The following WDR49 variants were observed in gnomAD, a reference collection of about 807,000 sequenced individuals.
The protein encoded by WDR49 is WD repeat domain 49.
WDR49 carries 107 observed loss-of-function variants against 119.5 expected under a neutral mutation model. The observed-to-expected ratio is 0.90, with a 90% confidence interval of 0.77 to 1.05. The LOEUF is 1.05. Among genes scored for constraint, WDR49 ranks in the 50% least tolerant of loss-of-function variants. WDR49 has a pLI of 0.00. For missense variants in WDR49, 1,240 were observed against 1,220.5 expected, an observed-to-expected ratio of 1.02 and a Z score of -0.24; for synonymous variants, 425 against 418.8, an observed-to-expected ratio of 1.01 and a Z score of -0.18.
chr3:167,502,754 T>C (rs1751622931), intron 17 of WDR49, among the ~76,000 whole-genome samples: 1 of 152,152 alleles, frequency 6.6e-6, no homozygotes, highest in African/African-American at 2.4e-5. Context: ...CTCAAGATGT[T>C]CCCTGGCTGC....
chr3:167,550,778 T>TTGA (rs772794375), intron 10 of WDR49, among the ~76,000 whole-genome samples: 268 of 144,032 alleles, frequency 1.9e-3, no homozygotes, highest in African/African-American at 6.4e-3. Flanking sequence ...TTTTTTTTTT[T>TTGA]GAGAGAGAGA....
At chr3:167,592,307 T>C (rs1715156229) in intron 7 of WDR49, among the ~76,000 whole-genome samples, 1 of 152,194 alleles carries the variant, frequency 6.6e-6, no homozygotes, top group Non-Finnish European at 1.5e-5. Flanking sequence ...GATTAGTTCA[T>C]CATTTAATCT....
rs770103817 is a variant in WDR49 at position 167,560,145 on chromosome 3, G to A, written c.1593C>T (p.His531=). The A allele has an allele frequency of 2.1e-5, 34 of 1,614,004 alleles. No individual in the cohort carries two copies. Among genetic ancestry groups the A allele is most frequent in the Admixed American group, 1.0e-4 (6 of 59,986 alleles). ...CCATAGTGCTGATTTCTGCGTTGCC[G>A]TGGCAACCAGTAAACTGTTTGATTT... ...GQKIKQFTGC[H]GNAEISTMAL... Residue 531 remains histidine (H), a synonymous_variant, in exon 9 of 19, where the codon CAC becomes CAT. Transcript: ENST00000682715.
intron 7 of WDR49, among the ~76,000 whole-genome samples, chr3:167,595,602 A>G (rs1715382348): frequency 6.6e-6 from 1 of 152,222 alleles, no homozygotes; most frequent in South Asian, 2.1e-4. Context: ...AAACCTGAGA[A>G]AAACAAGCAA....
intron 10 of WDR49, among the ~76,000 whole-genome samples, chr3:167,543,777 G>A (rs2108255626): frequency 6.6e-6 from 1 of 152,062 alleles, no homozygotes; most frequent in Non-Finnish European, 1.5e-5. Flanking sequence ...CATAGTACTG[G>A]AAGTCCTACC....
chr3:167,536,847 T>A (rs368302737), intron 11 of WDR49, 23 bp downstream of exon 11: 5 of 1,461,342 alleles, frequency 3.4e-6, no homozygotes, highest in Non-Finnish European at 2.7e-6. Flanking sequence ...CACCAATGAT[T>A]GTCAAGTGAA....
At chr3:167,571,212 GTC>G (rs1560291481) in intron 8 of WDR49, among the ~76,000 whole-genome samples, 1 of 151,982 alleles carries the variant, frequency 6.6e-6, no homozygotes, top group African/African-American at 2.4e-5. Flanking sequence ...AGTGAAGAGG[GTC>G]TAGTATTCAA....
intron 16 of WDR49, among the ~76,000 whole-genome samples, chr3:167,509,427 C>T (rs532866840): frequency 8.5e-5 from 13 of 152,286 alleles, no homozygotes; most frequent in African/African-American, 2.9e-4. Flanking sequence ...TTGAATACCC[C>T]TTTAAAATTT....
At chr3:167,568,701 C>T (rs1262258929) in intron 8 of WDR49, among the ~76,000 whole-genome samples, 1 of 152,120 alleles carries the variant, frequency 6.6e-6, no homozygotes, top group Non-Finnish European at 1.5e-5. Context: ...CCTAGTGGCA[C>T]TTCTTATGAG....
intron 18 of WDR49, among the ~76,000 whole-genome samples, chr3:167,491,813 G>C (rs1025300883): frequency 2.0e-5 from 3 of 152,072 alleles, no homozygotes; most frequent in African/African-American, 7.2e-5. Context: ...GAACCAACTG[G>C]GAGCAACTTG....
At chr3:167,516,379 T>C (rs1396737246) in intron 16 of WDR49, among the ~76,000 whole-genome samples, 1 of 151,966 alleles carries the variant, frequency 6.6e-6, no homozygotes, top group African/African-American at 2.4e-5. Flanking sequence ...AATAGTTTGC[T>C]GAGAATGATG....
At chr3:167,654,768 G>A (rs185191651), upstream of WDR49, among the ~76,000 whole-genome samples, 39 of 152,038 alleles carry the variant, frequency 2.6e-4, no homozygotes, top group African/African-American at 8.2e-4. Context: ...GCATGGTGGC[G>A]CACACCTGTG....
At chr3:167,574,447 ATGC>A (rs1194741040) in intron 8 of WDR49, among the ~76,000 whole-genome samples, 1 of 152,222 alleles carries the variant, frequency 6.6e-6, no homozygotes, top group African/African-American at 2.4e-5. Context: ...CTAATAGGAA[ATGC>A]TGATGTATGT....
intron 10 of WDR49, among the ~76,000 whole-genome samples, chr3:167,553,602 G>T (rs997979773): frequency 1.3e-5 from 2 of 152,050 alleles, no homozygotes; most frequent in Non-Finnish European, 2.9e-5. Flanking sequence ...CACCACACAT[G>T]GTAGAGAGCT....
intron 18 of WDR49, among the ~76,000 whole-genome samples, chr3:167,496,360 C>T (rs1751353016): frequency 6.6e-6 from 1 of 152,046 alleles, no homozygotes; most frequent in African/African-American, 2.4e-5. Context: ...CCTTCTAGAA[C>T]CCAGCCAGTG....
intron 10 of WDR49, among the ~76,000 whole-genome samples, chr3:167,553,879 C>T (rs928235056): frequency 2.0e-5 from 3 of 152,084 alleles, no homozygotes; most frequent in Non-Finnish European, 2.9e-5. Context: ...AAAAACTCTT[C>T]CCTGTGATTG....
At position 167,529,247 on chromosome 3, in the gene WDR49, G is replaced by GTA; in HGVS notation, c.2219-10_2219-9dup. ...ATACCAGGTTAGCTCCTCCTAACAT[G>GTA]TAAGGGAAAAATCTAACTAGAAAAC... On this transcript the variant is annotated splice_polypyrimidine_tract_variant and intron_variant, in intron 13 of 18. Coordinates refer to ENST00000682715, the MANE Select transcript of WDR49 (RefSeq NM_001366157.1). 2 of 1,559,174 alleles carry GTA rather than the reference G, an allele frequency of 1.3e-6. No individual in the cohort carries two copies. The highest frequency in any genetic ancestry group is 1.7e-6 in the Non-Finnish European group (2 of 1,159,722).
At chr3:167,606,870 C>T (rs554648235) in intron 5 of WDR49, among the ~76,000 whole-genome samples, 26 of 152,228 alleles carry the variant, frequency 1.7e-4, no homozygotes, top group Non-Finnish European at 3.2e-4. Flanking sequence ...GAGAAAAGCA[C>T]AAAAAATTCA....
chr3:167,479,372 A>G (rs915245350), intron 18 of WDR49, among the ~76,000 whole-genome samples: 2 of 152,280 alleles, frequency 1.3e-5, no homozygotes, highest in South Asian at 4.1e-4. Context: ...AATAGTCAAA[A>G]CACAGTTTGA....
Sources: allele counts gnomAD v4.1 joint callset (sites outside exome capture counted in the v4.1 genomes callset), GRCh38; gene constraint gnomAD v4.1.1; transcripts MANE v1.5; gene names NCBI Gene and HGNC (gene_info 2026-07-23, HGNC 2026-07-21).